The following CPB2 variants were observed in gnomAD, a reference collection of about 807,000 sequenced individuals.
The protein encoded by CPB2 is carboxypeptidase B-like protein.
Under a neutral mutation model 57.0 loss-of-function variants are expected in CPB2, and 54 were observed. That is an observed-to-expected ratio of 0.95 (90% CI 0.76 to 1.19). CPB2 has a LOEUF of 1.19. CPB2 is among the 50% of genes most tolerant of loss of function. CPB2 has a pLI of 0.00. For missense variants in CPB2, 426 were observed against 512.0 expected, an observed-to-expected ratio of 0.83 and a Z score of 1.62; for synonymous variants, 189 against 178.1, an observed-to-expected ratio of 1.06 and a Z score of -0.49.
Position 46,055,074 on chromosome 13 carries a change from TAA to T in CPB2, c.1087+686_1087+687del, listed in dbSNP as rs68147896. Reference sequence around the variant, plus strand: ...CCTCTTTTTGTTTTTTTCTAATCATTAAAAAAAAAAAAAAAAGGAAAAACCTG... The same window carrying T: ...CCTCTTTTTGTTTTTTTCTAATCATTAAAAAAAAAAAAAAGGAAAAACCTG... On this transcript the variant is annotated intron_variant, in intron 10 of 10. Coordinates refer to ENST00000181383, the MANE Select transcript of CPB2 (RefSeq NM_001872.5). Among the ~76,000 whole-genome samples the T allele has an allele frequency of 4.3e-3, 612 of 142,158 alleles. 1 individual carries two copies. Among genetic ancestry groups the T allele is most frequent in the African/African-American group, 8.0e-3 (306 of 38,436 alleles). The allele number at this position is 142,158 out of a possible 152,430, so 93.3% of individuals were successfully genotyped here.
intron 6 of CPB2, among the ~76,000 whole-genome samples, chr13:46,067,700 A>T (rs532101702): frequency 6.6e-6 from 1 of 152,326 alleles, no homozygotes; most frequent in Admixed American, 6.5e-5. Flanking sequence ...TATTAAAGCC[A>T]TAGAGCCCAC....
chr13:46,091,094 C>A (rs535628300), intron 1 of CPB2, among the ~76,000 whole-genome samples: 1 of 152,252 alleles, frequency 6.6e-6, no homozygotes, highest in Non-Finnish European at 1.5e-5. Context: ...TTTTAACATG[C>A]CACCTCTAAG....
intron 7 of CPB2, among the ~76,000 whole-genome samples, chr13:46,066,946 TA>T (rs1302966821): frequency 5.9e-5 from 9 of 151,352 alleles, no homozygotes; most frequent in African/African-American, 1.7e-4. Context: ...ATACTATAAT[TA>T]TTTTTTTCAG....
rs1350662140 is a variant in CPB2, at chr13:46,079,536, A to C, written c.385-635T>G. Among the ~76,000 whole-genome samples the C allele has an allele frequency of 1.1e-4, 5 of 45,872 alleles. No homozygotes were observed. The East Asian group carries it at 6.8e-3, about 62-fold the overall frequency. 30.1% of individuals were successfully genotyped at this position (45,872 alleles called of 152,430 possible). On this transcript the variant is annotated intron_variant, in intron 4 of 10. Coordinates refer to ENST00000181383, the MANE Select transcript of CPB2 (RefSeq NM_001872.5). ...CAAGATAATAGGGGAAGGAAAAAGC[A>C]AAAAAAAAAAAAAAAAAAAGAAAAG...
At chr13:46,104,902 T>C (rs956342519) in intron 1 of CPB2, 34 bp downstream of exon 1, 36 of 1,612,938 alleles carry the variant, frequency 2.2e-5, no homozygotes, top group Non-Finnish European at 3.0e-5. Flanking sequence ...GTGAGGAGAG[T>C]GGCCCACCAC....
chr13:46,053,746 A>G lies in CPB2; in HGVS notation c.1140T>C (p.Tyr380=), dbSNP rs1237056651. 1 of 1,614,202 alleles carries G rather than the reference A, an allele frequency of 6.2e-7. No individual in the cohort carries two copies. Among genetic ancestry groups the G allele is most frequent in the East Asian group, 2.2e-5 (1 of 44,888 alleles). ...DDWIYDLGIK[Y]SFTIELRDTG... is the part of the protein sequence containing the mutation. ...TATCTCGAAGTTCAATTGTAAACGA[A>G]TATTTGATGCCCAAATCATAGATCC... The change falls in exon 11 of 11, where the codon TAT becomes TAC. Residue 380 remains tyrosine, a synonymous_variant. Coordinates refer to ENST00000181383, the MANE Select transcript of CPB2 (RefSeq NM_001872.5).
intron 2 of CPB2, among the ~76,000 whole-genome samples, chr13:46,086,381 C>G (rs1237396330): frequency 6.6e-6 from 1 of 152,134 alleles, no homozygotes; most frequent in Non-Finnish European, 1.5e-5. Context: ...AATAGAACAG[C>G]TCAGAGGAGA....
intron 1 of CPB2, among the ~76,000 whole-genome samples, chr13:46,093,512 A>G (rs2045323555): frequency 6.6e-6 from 1 of 152,250 alleles, no homozygotes; most frequent in African/African-American, 2.4e-5. Flanking sequence ...TCCACATTCT[A>G]GAATGCTTTT....
intron 4 of CPB2, 57 bp from the exon 5 acceptor site, chr13:46,078,958 A>G: frequency 9.0e-7 from 1 of 1,106,740 alleles, no homozygotes; most frequent in Admixed American, 1.8e-5. Flanking sequence ...CATTTCCCTG[A>G]CCAAAGCAAG....
chr13:46,074,873 G>A lies in CPB2; in HGVS notation c.487-896C>T, dbSNP rs1342451779. Among the ~76,000 whole-genome samples the A allele has an allele frequency of 9.2e-5, 14 of 152,258 alleles. No homozygotes were observed. The South Asian group carries it at 1.5e-3, about 16-fold the overall frequency. ...CATGCAACCTAAATCCTTTGCATGC[G>A]CGGTTCACAGTGGGGTTTGTGCTCC... is the stretch of plus-strand genomic sequence containing the variant. On this transcript the variant is annotated intron_variant, in intron 5 of 10. Coordinates refer to ENST00000181383, the MANE Select transcript of CPB2 (RefSeq NM_001872.5).
intron 1 of CPB2, among the ~76,000 whole-genome samples, chr13:46,093,415 G>A (rs1001790365): frequency 5.3e-5 from 8 of 152,222 alleles, no homozygotes; most frequent in African/African-American, 1.4e-4. Context: ...GTTCAAGGAT[G>A]TGTATTACGG....
chr13:46,092,097 T>G (rs897726626), intron 1 of CPB2, among the ~76,000 whole-genome samples: 33 of 152,244 alleles, frequency 2.2e-4, no homozygotes, highest in African/African-American at 7.7e-4. Flanking sequence ...CCTTGAAATA[T>G]GACGATAGAT....
At chr13:46,102,552 A>AC (rs1311287447) in intron 1 of CPB2, among the ~76,000 whole-genome samples, 1 of 148,802 alleles carries the variant, frequency 6.7e-6, no homozygotes, top group Admixed American at 6.7e-5. Context: ...AAAAAAAAAA[A>AC]AAAAACAAAG....
intron 10 of CPB2, 120 bp from the exon 11 acceptor site, chr13:46,053,918 A>C: frequency 1.1e-6 from 1 of 901,518 alleles, no homozygotes; most frequent in South Asian, 1.8e-5. Flanking sequence ...TCAGTTTTTA[A>C]CTAATATAAA....
intron 7 of CPB2, among the ~76,000 whole-genome samples, chr13:46,064,970 T>C (rs745496207): frequency 2.0e-5 from 3 of 152,212 alleles, no homozygotes; most frequent in Non-Finnish European, 4.4e-5. Flanking sequence ...CCAAACATAA[T>C]GGTAATATTT....
At chr13:46,065,197 G>C (rs1336038355) in intron 7 of CPB2, among the ~76,000 whole-genome samples, 1 of 152,186 alleles carries the variant, frequency 6.6e-6, no homozygotes, top group Non-Finnish European at 1.5e-5. Flanking sequence ...CCCTTTCAAA[G>C]CTAGAAAAGG....
At chr13:46,065,932 T>TA (rs2044847965) in intron 7 of CPB2, among the ~76,000 whole-genome samples, 1 of 152,244 alleles carries the variant, frequency 6.6e-6, no homozygotes, top group Non-Finnish European at 1.5e-5. Flanking sequence ...AGTTTACAGA[T>TA]ATGACCATTC....
chr13:46,091,565 G>A (rs373225851), intron 1 of CPB2, among the ~76,000 whole-genome samples: 48 of 152,158 alleles, frequency 3.2e-4, no homozygotes, highest in African/African-American at 1.1e-3. Flanking sequence ...AATAAGTGTG[G>A]ATTTTAAATG....
chr13:46,103,137 G>A (rs1449795198), intron 1 of CPB2, among the ~76,000 whole-genome samples: 3 of 152,150 alleles, frequency 2.0e-5, no homozygotes, highest in African/African-American at 4.8e-5. Flanking sequence ...ATGTGCTAAA[G>A]CTTTTAGTGT....
Sources: gnomAD v4.1 joint callset for allele counts (sites outside exome capture counted in the v4.1 genomes callset) on GRCh38, gnomAD v4.1.1 for gene constraint, MANE v1.5 for transcripts, NCBI Gene and HGNC (gene_info 2026-07-23, HGNC 2026-07-21) for gene names.